The following SLC22A23 variants were observed in gnomAD, a reference collection of about 807,000 sequenced individuals.
The protein encoded by SLC22A23 is ion transporter protein.
In SLC22A23, 26 loss-of-function variants were observed where a neutral mutation model predicts 61.0. The observed-to-expected ratio is 0.43, with a 90% confidence interval of 0.31 to 0.59. SLC22A23 has a LOEUF of 0.59. Among genes scored for constraint, SLC22A23 ranks in the 20% least tolerant of loss-of-function variants. The pLI, the probability that SLC22A23 is intolerant of heterozygous loss-of-function variation, is 0.11. For missense variants in SLC22A23, 796 were observed against 934.7 expected, an observed-to-expected ratio of 0.85 and a Z score of 1.94; for synonymous variants, 430 against 413.9, an observed-to-expected ratio of 1.04 and a Z score of -0.47.
Position 3,456,872 on chromosome 6 carries a change from T to C in SLC22A23, c.-313A>G, listed in dbSNP as rs1409194090. ...GGCTGCCGAGCCCGCCGCTCTCCGC[T>C]GCTCCGCGCCGGACGCGGCAGGAGG... On this transcript the variant is annotated 5_prime_UTR_variant, in exon 1 of 10. Transcript: ENST00000406686. The surrounding 1 kb of genome is among the most constrained non-coding windows in gnomAD (Gnocchi z 7.1). The C allele has an allele frequency of 6.8e-6, 1 of 147,282 alleles. No homozygotes were observed. Among genetic ancestry groups the C allele is most frequent in the African/African-American group, 2.5e-5 (1 of 40,782 alleles). The allele number at this position is 147,282 out of a possible 1,614,324, so 9.1% of individuals were successfully genotyped here.
chr6:3,354,432 T>C (rs374694938), intron 3 of SLC22A23, among the ~76,000 whole-genome samples: 1 of 152,244 alleles, frequency 6.6e-6, no homozygotes, highest in Non-Finnish European at 1.5e-5. Context: ...TCTCTTTCCA[T>C]GTCCCTGCTG....
In SLC22A23 at chr6:3,309,867, T is replaced by C. The variant is rs115112214; in HGVS notation, c.1083-11649A>G. ...CACTGCACAGCAGGTGACCTAGGCCTGGCCATGCTAATACCCTGCCTGGGG... is the reference window on the plus strand; with the variant it reads ...CACTGCACAGCAGGTGACCTAGGCCCGGCCATGCTAATACCCTGCCTGGGG... On this transcript the variant is annotated intron_variant, in intron 4 of 9. Coordinates refer to ENST00000406686, the MANE Select transcript of SLC22A23 (RefSeq NM_015482.2). The surrounding 1 kb of genome is among the most constrained non-coding windows in gnomAD (Gnocchi z 4.7). Among the ~76,000 whole-genome samples the C allele has an allele frequency of 0.034, 5,141 of 152,286 alleles. 299 individuals carry two copies. The highest frequency in any genetic ancestry group is 0.12 in the African/African-American group (4,869 of 41,532).
intron 3 of SLC22A23, among the ~76,000 whole-genome samples, chr6:3,349,117 A>AGCTG (rs1764614482): frequency 6.6e-6 from 1 of 152,220 alleles, no homozygotes. Flanking sequence ...TTCTGCAAAC[A>AGCTG]GCTGGGTGAT....
chr6:3,301,512 T>A (rs59031208), intron 4 of SLC22A23, among the ~76,000 whole-genome samples: 7,808 of 152,310 alleles, frequency 0.051, 647 homozygotes, highest in African/African-American at 0.17. Flanking sequence ...TTGTGTCCTT[T>A]CAAAATAATT....
chr6:3,395,137 G>A (rs190314342), intron 3 of SLC22A23, among the ~76,000 whole-genome samples: 38 of 152,314 alleles, frequency 2.5e-4, no homozygotes, highest in African/African-American at 9.1e-4. Flanking sequence ...ATGCTCTCAT[G>A]TCAGTGAAAA....
rs754935763 is a variant in SLC22A23, at chr6:3,328,905, C to A, written c.914-4903G>T. Among the ~76,000 whole-genome samples, 3 of 152,162 alleles carry A rather than the reference C, an allele frequency of 2.0e-5. No homozygotes were observed. Among genetic ancestry groups the A allele is most frequent in the Non-Finnish European group, 2.9e-5 (2 of 68,034 alleles). ...CTCCGAAGCTGCACCCCCTCCCTCC[C>A]CTTCTTACTCCCCACTCTCTCATCC... On this transcript the variant is annotated intron_variant, in intron 3 of 9. Transcript: ENST00000406686. This position sits in a 1 kb window ranked among gnomAD's most constrained non-coding sequence, Gnocchi z 5.0.
At chr6:3,361,989 A>C (rs552039833) in intron 3 of SLC22A23, among the ~76,000 whole-genome samples, 8 of 152,230 alleles carry the variant, frequency 5.3e-5, no homozygotes, top group African/African-American at 1.9e-4. Flanking sequence ...CTGTAGAAAC[A>C]TGGAGGAAAC....
At chr6:3,380,055 G>A (rs1021844368) in intron 3 of SLC22A23, among the ~76,000 whole-genome samples, 1 of 152,170 alleles carries the variant, frequency 6.6e-6, no homozygotes, top group Non-Finnish European at 1.5e-5. Flanking sequence ...GGATGAGGGG[G>A]CTAGAGGGTG....
intron 9 of SLC22A23, among the ~76,000 whole-genome samples, chr6:3,279,477 C>T (rs1211446121): frequency 8.6e-6 from 1 of 115,854 alleles, no homozygotes; most frequent in Non-Finnish European, 1.7e-5. Context: ...CGCGACTGCA[C>T]TCCAGCCTGG....
At chr6:3,385,780 G>A (rs533073311) in intron 3 of SLC22A23, among the ~76,000 whole-genome samples, 1 of 152,268 alleles carries the variant, frequency 6.6e-6, no homozygotes, top group East Asian at 1.9e-4. Flanking sequence ...ACATGTGCCT[G>A]CAACTGGCCC....
intron 9 of SLC22A23, among the ~76,000 whole-genome samples, chr6:3,279,340 G>A (rs565054621): frequency 8.7e-4 from 131 of 150,852 alleles, no homozygotes; most frequent in African/African-American, 2.9e-3. Context: ...GTGAAACCCC[G>A]TCTCTACTAA....
At chr6:3,275,420 CACATA>C (rs1238948850) in intron 9 of SLC22A23, among the ~76,000 whole-genome samples, 1 of 152,114 alleles carries the variant, frequency 6.6e-6, no homozygotes, top group African/African-American at 2.4e-5. Context: ...AGATTTCTTA[CACATA>C]ACATCAAAAG....
chr6:3,270,836 A>C lies in SLC22A23; in HGVS notation c.*2219T>G, dbSNP rs966297904. On this transcript the variant is annotated 3_prime_UTR_variant, in exon 10 of 10. Coordinates refer to ENST00000406686, the MANE Select transcript of SLC22A23 (RefSeq NM_015482.2). ...GCAGCACTCTACAGCTTCAATTTCC[A>C]AAAAAAAAAAAAAGTTTACACGACC... The C allele has an allele frequency of 4.4e-5, 5 of 113,556 alleles. No homozygotes were observed. The highest frequency in any genetic ancestry group is 5.1e-3 in the Middle Eastern group (1 of 198). The allele number at this position is 113,556 out of a possible 1,614,324, so 7.0% of individuals were successfully genotyped here.
Position 3,386,143 on chromosome 6 carries a change from G to A in SLC22A23, c.913+24045C>T, listed in dbSNP as rs919906264. 3.9e-5 allele frequency among the ~76,000 whole-genome samples: 6 copies of A among 152,148 alleles called. No homozygotes were observed. Among genetic ancestry groups the A allele is most frequent in the South Asian group, 2.1e-4 (1 of 4,826 alleles). On this transcript the variant is annotated intron_variant, in intron 3 of 9. Coordinates refer to ENST00000406686, the MANE Select transcript of SLC22A23 (RefSeq NM_015482.2). This position sits in a 1 kb window ranked among gnomAD's most constrained non-coding sequence, Gnocchi z 4.4. ...ACTCACACCTTTCCACACCCCTCCCGGGTGTCTCATTACCTGACGAGGTGG... is the reference window on the plus strand; with the variant it reads ...ACTCACACCTTTCCACACCCCTCCCAGGTGTCTCATTACCTGACGAGGTGG...
chr6:3,310,907 T>C (rs148791866), intron 4 of SLC22A23, among the ~76,000 whole-genome samples: 1 of 152,352 alleles, frequency 6.6e-6, no homozygotes, highest in East Asian at 1.9e-4. Flanking sequence ...GAACTGCCCA[T>C]GCTTATTAAA....
chr6:3,280,121 C>A (rs1389889189), intron 9 of SLC22A23, among the ~76,000 whole-genome samples: 1 of 152,168 alleles, frequency 6.6e-6, no homozygotes, highest in Non-Finnish European at 1.5e-5. Context: ...GAAATAAATA[C>A]AACTGCTGAA....
At chr6:3,365,106 G>T (rs9503561) in intron 3 of SLC22A23, among the ~76,000 whole-genome samples, 106,799 of 152,078 alleles carry the variant, frequency 0.7, 37,732 homozygotes, top group East Asian at 0.84. Flanking sequence ...ATTACCTGAG[G>T]TCAGGAGTTG....
chr6:3,350,491 C>CAT (rs1764702909), intron 3 of SLC22A23, among the ~76,000 whole-genome samples: 1 of 152,234 alleles, frequency 6.6e-6, no homozygotes, highest in Non-Finnish European at 1.5e-5. Context: ...TGCGGTCACA[C>CAT]TCATTCACCT....
At chr6:3,292,014 C>T (rs1181373830) in intron 5 of SLC22A23, 1 of 150,404 alleles carries the variant, frequency 6.6e-6, no homozygotes, top group East Asian at 1.9e-4. Flanking sequence ...GCAGAGGTAA[C>T]TGAATTCTTC....
Sources: allele counts gnomAD v4.1 joint callset (sites outside exome capture counted in the v4.1 genomes callset), GRCh38; gene constraint gnomAD v4.1.1; non-coding constraint Gnocchi (gnomAD v3.1); transcripts MANE v1.5; gene names NCBI Gene and HGNC (gene_info 2026-07-23, HGNC 2026-07-21).